Variants in SDK1 observed in about 807,000 individuals in gnomAD.
SDK1 encodes the protein protein sidekick-1.
Under a neutral mutation model 245.5 loss-of-function variants are expected in SDK1, and 157 were observed. The observed-to-expected ratio is 0.64, with a 90% CI of 0.56 to 0.73. SDK1 has a LOEUF of 0.73. Ranked by LOEUF, SDK1 falls within the 30% of genes least tolerant of loss-of-function variation. The pLI, the probability that SDK1 is intolerant of heterozygous loss-of-function variation, is 0.00. For synonymous variants in SDK1, 1,647 were observed against 1,278.5 expected, an observed-to-expected ratio of 1.29 and a Z score of -6.15; for missense variants, 3,583 against 3,002.3, an observed-to-expected ratio of 1.19 and a Z score of -4.52.
intron 9 of SDK1, among the ~76,000 whole-genome samples, chr7:3,966,772 G>C (rs1219427645): frequency 6.6e-6 from 1 of 151,982 alleles, no homozygotes; most frequent in Non-Finnish European, 1.5e-5. Context: ...TGCAGCCTCA[G>C]CCTCCTGGGC....
At chr7:3,962,022 GAC>G (rs1448434030) in intron 8 of SDK1, among the ~76,000 whole-genome samples, 2 of 151,832 alleles carry the variant, frequency 1.3e-5, no homozygotes, top group South Asian at 2.1e-4. Context: ...TAAACACGTA[GAC>G]ACATGCACAT....
chr7:4,225,570 G>C (rs1025024601), intron 40 of SDK1, among the ~76,000 whole-genome samples: 1 of 152,192 alleles, frequency 6.6e-6, no homozygotes, highest in Non-Finnish European at 1.5e-5. Context: ...CTCATATGCT[G>C]CTCCGCCGGC....
intron 22 of SDK1, among the ~76,000 whole-genome samples, chr7:4,088,299 T>G (rs2128182493): frequency 6.6e-6 from 1 of 152,362 alleles, no homozygotes; most frequent in East Asian, 1.9e-4. Context: ...GAATTTTTTA[T>G]ATTCTTTCTT....
In SDK1 at chr7:3,950,578, G is replaced by A. The variant is rs1057271590; in HGVS notation, c.848-345G>A. ...CCTGATTTACACATTTATGACAGGT[G>A]TGTATGCAGAGGGAGAAAGTTTGAA... is the stretch of plus-strand genomic sequence containing the variant. On this transcript the variant is annotated intron_variant, in intron 5 of 44. Coordinates refer to ENST00000404826, the MANE Select transcript of SDK1 (RefSeq NM_152744.4). Among the ~76,000 whole-genome samples, 18 of 152,206 alleles carry A rather than the reference G, an allele frequency of 1.2e-4. 1 individual carries two copies. Among genetic ancestry groups the A allele is most frequent in the Admixed American group, 6.5e-5 (1 of 15,280 alleles).
chr7:3,850,300 C>G (rs1780387431), intron 5 of SDK1, among the ~76,000 whole-genome samples: 1 of 152,200 alleles, frequency 6.6e-6, no homozygotes, highest in South Asian at 2.1e-4. Flanking sequence ...ATTTAAAGTA[C>G]TAAGTAAATA....
chr7:3,606,054 A>T (rs1165038906), intron 1 of SDK1, among the ~76,000 whole-genome samples: 1 of 152,198 alleles, frequency 6.6e-6, no homozygotes, highest in Non-Finnish European at 1.5e-5. Flanking sequence ...TGCTAATTTA[A>T]CAGCTCTGTG....
intron 4 of SDK1, among the ~76,000 whole-genome samples, chr7:3,737,002 A>C (rs1018045468): frequency 6.6e-6 from 1 of 152,202 alleles, no homozygotes; most frequent in African/African-American, 2.4e-5. Context: ...TAGATTTCAC[A>C]TATAAGTGAG....
chr7:3,466,534 G>A (rs541522314), intron 1 of SDK1, among the ~76,000 whole-genome samples: 2 of 149,632 alleles, frequency 1.3e-5, no homozygotes, highest in Admixed American at 1.3e-4. Context: ...AGTAAGCTCA[G>A]CCTTGCACTG....
At chr7:3,471,154 T>C (rs1781170746) in intron 1 of SDK1, among the ~76,000 whole-genome samples, 1 of 152,176 alleles carries the variant, frequency 6.6e-6, no homozygotes, top group Non-Finnish European at 1.5e-5. Flanking sequence ...TTAGGAAAAC[T>C]ATTTGGATTT....
At chr7:3,426,082 T>C (rs1447150464) in intron 1 of SDK1, among the ~76,000 whole-genome samples, 1 of 152,228 alleles carries the variant, frequency 6.6e-6, no homozygotes, top group Non-Finnish European at 1.5e-5. Flanking sequence ...CTTCCCCTTG[T>C]TCCAAGTAAT....
intron 4 of SDK1, among the ~76,000 whole-genome samples, chr7:3,784,749 T>G (rs745709430): frequency 6.6e-6 from 1 of 152,210 alleles, no homozygotes; most frequent in Non-Finnish European, 1.5e-5. Context: ...GGAACCCTGT[T>G]GGTGGAAATG....
rs28690031 is a variant in SDK1, at chr7:4,054,061, C to G, written c.2911+2231C>G. On this transcript the variant is annotated intron_variant, in intron 19 of 44. Coordinates refer to ENST00000404826, the MANE Select transcript of SDK1 (RefSeq NM_152744.4). ...TCAAGCAATTCTCCTGCCTTGGCCT[C>G]TCAAGTAGCTGGTATTACAGGCACC... Among the ~76,000 whole-genome samples the G allele has an allele frequency of 7.0e-3, 1,059 of 152,096 alleles. 9 individuals carry two copies. Among genetic ancestry groups the G allele is most frequent in the African/African-American group, 0.024 (995 of 41,466 alleles).
chr7:4,190,518 T>C (rs1260048581), intron 35 of SDK1, among the ~76,000 whole-genome samples: 2 of 152,212 alleles, frequency 1.3e-5, no homozygotes, highest in Non-Finnish European at 2.9e-5. Flanking sequence ...GCTCGTGTTG[T>C]TTCAGACGTT....
chr7:3,310,285 G>A (rs1472150499), intron 1 of SDK1, among the ~76,000 whole-genome samples: 1 of 152,164 alleles, frequency 6.6e-6, no homozygotes, highest in Non-Finnish European at 1.5e-5. Flanking sequence ...GTATTTTAAA[G>A]TCATCTTGAG....
intron 22 of SDK1, among the ~76,000 whole-genome samples, chr7:4,106,939 G>T (rs893615900): frequency 1.1e-4 from 17 of 151,862 alleles, no homozygotes; most frequent in Non-Finnish European, 2.2e-4. Flanking sequence ...GAAGCCCCCA[G>T]GCCTCAGGTG....
In SDK1 at chr7:4,265,129, G is replaced by C; in HGVS notation, c.6387G>C (p.Thr2129=). ...KSADASESEA[T]DSDYEDALPK... ...TTCTCTCCCGCTCCCCGCAGGCCAC[G>C]GACTCTGACTACGAGGACGCGCTGC... The change falls in exon 45 of 45, where the codon ACG becomes ACC. Residue 2129 remains threonine, a synonymous_variant. Transcript: ENST00000404826. The C allele has an allele frequency of 6.2e-7, 1 of 1,611,332 alleles. No homozygotes were observed. The highest frequency in any genetic ancestry group is 8.5e-7 in the Non-Finnish European group (1 of 1,179,500).
intron 14 of SDK1, among the ~76,000 whole-genome samples, chr7:3,999,369 C>A (rs951954981): frequency 1.3e-5 from 2 of 152,066 alleles, no homozygotes; most frequent in Non-Finnish European, 2.9e-5. Context: ...AGAACACTCA[C>A]AAAATTAAAT....
chr7:4,255,263 G>A lies in SDK1; in HGVS notation c.6381+9458G>A, dbSNP rs774064756. Among the ~76,000 whole-genome samples the A allele has an allele frequency of 2.8e-4, 42 of 152,140 alleles. 1 individual carries two copies. The highest frequency in any genetic ancestry group is 4.3e-4 in the Non-Finnish European group (29 of 68,030). On this transcript the variant is annotated intron_variant, in intron 44 of 44. Coordinates refer to ENST00000404826, the MANE Select transcript of SDK1 (RefSeq NM_152744.4). The stretch of plus-strand genomic sequence containing the variant: ...CCACAGTTTTCAACAATGTCCTTAG[G>A]TATGCTCTGTTCCAAATAAAGTCAT...
intron 22 of SDK1, among the ~76,000 whole-genome samples, chr7:4,103,384 T>C (rs1782699620): frequency 6.6e-6 from 1 of 152,180 alleles, no homozygotes; most frequent in South Asian, 2.1e-4. Flanking sequence ...CCCAGTTGCT[T>C]CTAGAACATT....
Sources: gnomAD v4.1 joint callset for allele counts (sites outside exome capture counted in the v4.1 genomes callset) on GRCh38, gnomAD v4.1.1 for gene constraint, MANE v1.5 for transcripts, NCBI Gene and HGNC (gene_info 2026-07-23, HGNC 2026-07-21) for gene names.